Variants in FTCDNL1 observed in about 807,000 individuals in gnomAD.
FTCDNL1 encodes formiminotransferase cyclodeaminase N-terminal like.
Under a neutral mutation model 5.9 loss-of-function variants are expected in FTCDNL1, and 11 were observed. That is an observed-to-expected ratio of 1.87 (90% CI 1.18 to 3.10). FTCDNL1 has a LOEUF of 3.10. Ranked by LOEUF, FTCDNL1 falls within the 30% of genes most tolerant of loss-of-function variation. The pLI, the probability that FTCDNL1 is intolerant of heterozygous loss-of-function variation, is 0.00. For synonymous variants in FTCDNL1, 58 were observed against 24.8 expected (o/e 2.34, Z -3.99); for missense variants, 115 against 65.5 (o/e 1.76, Z -2.61).
chr2:199,805,260 T>C (rs1700661338), downstream of FTCDNL1, among the ~76,000 whole-genome samples: 1 of 152,178 alleles, frequency 6.6e-6, no homozygotes, highest in Non-Finnish European at 1.5e-5. Flanking sequence ...AATAGGGAAC[T>C]GGCTGGCAAA....
intron 3 of FTCDNL1, among the ~76,000 whole-genome samples, chr2:199,839,237 G>A (rs745417407): frequency 1.3e-5 from 2 of 151,994 alleles, no homozygotes; most frequent in African/African-American, 4.8e-5. Flanking sequence ...AGAAGAAACC[G>A]AAATGATCCA....
At chr2:199,849,677 T>C (rs1194345272) in intron 1 of FTCDNL1, among the ~76,000 whole-genome samples, 1 of 152,220 alleles carries the variant, frequency 6.6e-6, no homozygotes, top group Non-Finnish European at 1.5e-5. Context: ...TGGAGGTTGC[T>C]TTGATACTTT....
At chr2:199,711,760 C>A in the FTCDNL1 span, among the ~76,000 whole-genome samples, 2 of 152,198 alleles carry the variant, frequency 1.3e-5, no homozygotes, top group African/African-American at 4.8e-5. Flanking sequence ...AGCAATGGAG[C>A]TGTCACCACA....
the FTCDNL1 span, among the ~76,000 whole-genome samples, chr2:199,747,280 C>T: frequency 6.6e-6 from 1 of 152,178 alleles, no homozygotes; most frequent in East Asian, 1.9e-4. Context: ...TCAAACTTTA[C>T]TTGACAGCTT....
intron 3 of FTCDNL1, among the ~76,000 whole-genome samples, chr2:199,781,523 T>C (rs564905861): frequency 1.4e-4 from 21 of 152,272 alleles, no homozygotes; most frequent in Non-Finnish European, 2.1e-4. Context: ...TCATAATAGA[T>C]TGACACAATA....
intron 3 of FTCDNL1, among the ~76,000 whole-genome samples, chr2:199,763,371 C>T (rs1401461172): frequency 6.6e-6 from 1 of 152,016 alleles, no homozygotes; most frequent in African/African-American, 2.4e-5. Context: ...TGCATTCTCC[C>T]AAAACACATC....
chr2:199,797,014 A>G (rs1347832341), intron 3 of FTCDNL1, among the ~76,000 whole-genome samples: 3 of 152,170 alleles, frequency 2.0e-5, no homozygotes, highest in African/African-American at 7.2e-5. Flanking sequence ...GAAAAAAAGT[A>G]AAACATAAAA....
the FTCDNL1 span, among the ~76,000 whole-genome samples, chr2:199,708,278 A>G: frequency 6.6e-6 from 1 of 152,106 alleles, no homozygotes; most frequent in East Asian, 1.9e-4. Context: ...CCACATGATT[A>G]CTTTTATATC....
chr2:199,733,343 C>T, the FTCDNL1 span, among the ~76,000 whole-genome samples: 1 of 152,262 alleles, frequency 6.6e-6, no homozygotes, highest in Non-Finnish European at 1.5e-5. Context: ...GTGAAGAGTA[C>T]CATAGACTGG....
the FTCDNL1 span, among the ~76,000 whole-genome samples, chr2:199,698,818 G>C: frequency 6.6e-6 from 1 of 152,000 alleles, no homozygotes; most frequent in Admixed American, 6.6e-5. Flanking sequence ...ATACAAAAGA[G>C]AGCAAAGGCA....
chr2:199,733,204 C>CA, the FTCDNL1 span, among the ~76,000 whole-genome samples: 1 of 152,202 alleles, frequency 6.6e-6, no homozygotes, highest in Non-Finnish European at 1.5e-5. Context: ...GGGAGGATAG[C>CA]ATGAGAAGAG....
chr2:199,846,680 C>T (rs953505072), intron 2 of FTCDNL1, among the ~76,000 whole-genome samples: 5 of 152,192 alleles, frequency 3.3e-5, no homozygotes, highest in Admixed American at 3.3e-4. Flanking sequence ...TGTTCTGAGT[C>T]CACCATCTCC....
chr2:199,736,761 T>C, the FTCDNL1 span, among the ~76,000 whole-genome samples: 4 of 152,220 alleles, frequency 2.6e-5, no homozygotes, highest in African/African-American at 9.6e-5. Flanking sequence ...CAACTGTGAG[T>C]GTCTACACAG....
At chr2:199,687,289 T>C in the FTCDNL1 span, among the ~76,000 whole-genome samples, 3 of 152,220 alleles carry the variant, frequency 2.0e-5, no homozygotes. Flanking sequence ...ATTAATACTC[T>C]GGTAAGCCTT....
At chr2:199,848,459 A>G (rs1164001875) in intron 2 of FTCDNL1, among the ~76,000 whole-genome samples, 2 of 152,280 alleles carry the variant, frequency 1.3e-5, no homozygotes, top group Non-Finnish European at 2.9e-5. Context: ...AATCTGCTCA[A>G]TAAAAAGCAT....
intron 3 of FTCDNL1, among the ~76,000 whole-genome samples, chr2:199,832,747 G>C (rs1198740413): frequency 3.9e-5 from 6 of 152,080 alleles, no homozygotes; most frequent in African/African-American, 1.2e-4. Flanking sequence ...ACAAGGCAAT[G>C]GAGAATCACT....
chr2:199,843,379 A>T (rs2076642462), intron 3 of FTCDNL1, among the ~76,000 whole-genome samples: 1 of 152,234 alleles, frequency 6.6e-6, no homozygotes, highest in Non-Finnish European at 1.5e-5. Context: ...TAAAATCATT[A>T]TTCTGGTCTG....
chr2:199,786,372 C>A, intron 3 of FTCDNL1, among the ~76,000 whole-genome samples: 1 of 152,154 alleles, frequency 6.6e-6, no homozygotes, highest in Middle Eastern at 3.4e-3. Flanking sequence ...GGGGGTGTCA[C>A]TTAGCCCAGG....
chr2:199,761,339 C>G (rs539921355), intron 3 of FTCDNL1, among the ~76,000 whole-genome samples: 1 of 152,342 alleles, frequency 6.6e-6, no homozygotes, highest in Admixed American at 6.5e-5. Flanking sequence ...TGCCTGTTCT[C>G]ACTGTGTACG....
Sources: allele counts gnomAD v4.1 joint callset (sites outside exome capture counted in the v4.1 genomes callset), GRCh38; gene constraint gnomAD v4.1.1; transcripts MANE v1.5; gene names NCBI Gene and HGNC (gene_info 2026-07-23, HGNC 2026-07-21).